The following CDH12 variants were observed in gnomAD, a reference collection of about 807,000 sequenced individuals.
CDH12 encodes cadherin 12.
Under a neutral mutation model 74.1 loss-of-function variants are expected in CDH12, and 41 were observed. The observed-to-expected ratio is 0.55, with a 90% CI of 0.43 to 0.72. CDH12 has a LOEUF of 0.72. Ranked by LOEUF, CDH12 falls within the 30% of genes least tolerant of loss-of-function variation. The pLI, the probability that CDH12 is intolerant of heterozygous loss-of-function variation, is 0.00. For missense variants in CDH12, 945 were observed against 977.2 expected (o/e 0.97, Z 0.44); for synonymous variants, 399 against 355.0 (o/e 1.12, Z -1.39).
intron 3 of CDH12, among the ~76,000 whole-genome samples, chr5:22,245,100 A>G (rs1428160314): frequency 6.6e-6 from 1 of 152,102 alleles, no homozygotes; most frequent in Non-Finnish European, 1.5e-5. Flanking sequence ...AGCAGGAGCA[A>G]TTTCTATGTA....
At chr5:22,687,319 G>GA (rs1741858473) in intron 1 of CDH12, among the ~76,000 whole-genome samples, 1 of 152,116 alleles carries the variant, frequency 6.6e-6, no homozygotes, top group Non-Finnish European at 1.5e-5. Context: ...ATAAAAAAAT[G>GA]AAAAATGATA....
At chr5:22,144,318 A>T (rs1053799922) in intron 4 of CDH12, among the ~76,000 whole-genome samples, 3 of 152,186 alleles carry the variant, frequency 2.0e-5, no homozygotes, top group African/African-American at 7.2e-5. Context: ...CCAGAAAATA[A>T]GCAGAATTGA....
intron 3 of CDH12, among the ~76,000 whole-genome samples, chr5:22,302,310 A>T (rs1324498456): frequency 6.6e-6 from 1 of 152,164 alleles, no homozygotes; most frequent in African/African-American, 2.4e-5. Context: ...CAAATATTCA[A>T]ATCAGAGACT....
At chr5:22,436,388 A>G (rs1261284712) in intron 2 of CDH12, among the ~76,000 whole-genome samples, 1 of 150,680 alleles carries the variant, frequency 6.6e-6, no homozygotes, top group East Asian at 2.0e-4. Flanking sequence ...ATGTATACAT[A>G]TGTAACAAAC....
chr5:22,295,563 A>G (rs1737585406), intron 3 of CDH12, among the ~76,000 whole-genome samples: 1 of 152,124 alleles, frequency 6.6e-6, no homozygotes. Flanking sequence ...ATGAACAAAT[A>G]TTTTTAGTAT....
At chr5:22,848,333 A>G (rs1737398570) in intron 1 of CDH12, among the ~76,000 whole-genome samples, 1 of 152,144 alleles carries the variant, frequency 6.6e-6, no homozygotes, top group Non-Finnish European at 1.5e-5. Context: ...AATTACTGAT[A>G]CTATTGCTGC....
rs552634536 is a variant in CDH12, at chr5:22,562,445, A to G, written c.-522-57081T>C. Among the ~76,000 whole-genome samples the G allele has an allele frequency of 3.9e-5, 6 of 152,316 alleles. No individual in the cohort carries two copies. In the South Asian group the frequency reaches 1.2e-3, roughly 32 times the overall value. ...CGTGGGCAATCGCCACTTTCTGTCTAAAAATCATTTGCCTTTGTCTCTCCT... is the reference window on the plus strand; with the variant it reads ...CGTGGGCAATCGCCACTTTCTGTCTGAAAATCATTTGCCTTTGTCTCTCCT... On this transcript the variant is annotated intron_variant, in intron 1 of 14. Coordinates refer to ENST00000382254, the MANE Select transcript of CDH12 (RefSeq NM_004061.5).
chr5:22,124,262 C>G (rs1745706319), intron 4 of CDH12, among the ~76,000 whole-genome samples: 3 of 152,034 alleles, frequency 2.0e-5, no homozygotes, highest in Admixed American at 1.3e-4. Flanking sequence ...TAGCTGGGAT[C>G]ACATGCGTGG....
chr5:22,429,174 C>T, intron 2 of CDH12, among the ~76,000 whole-genome samples: 1 of 149,818 alleles, frequency 6.7e-6, no homozygotes, highest in Non-Finnish European at 1.5e-5. Context: ...TTTTGTTGAC[C>T]AGGCTGGAGT....
chr5:22,702,959 T>A (rs1357937597), intron 1 of CDH12, among the ~76,000 whole-genome samples: 12 of 152,124 alleles, frequency 7.9e-5, no homozygotes. Context: ...CTCTCATTTC[T>A]CCTTCCCTGA....
chr5:21,839,657 T>C (rs1390982626), intron 8 of CDH12, among the ~76,000 whole-genome samples: 2 of 152,126 alleles, frequency 1.3e-5, no homozygotes, highest in African/African-American at 4.8e-5. Context: ...AAGGAATAAA[T>C]AAAATGTTCA....
At chr5:22,838,141 T>C (rs1736916093) in intron 1 of CDH12, among the ~76,000 whole-genome samples, 1 of 152,188 alleles carries the variant, frequency 6.6e-6, no homozygotes, top group East Asian at 1.9e-4. Flanking sequence ...ATTCAGCTCT[T>C]AACCCTGATG....
intron 1 of CDH12, among the ~76,000 whole-genome samples, chr5:22,716,085 G>A (rs1343800802): frequency 2.0e-5 from 3 of 151,950 alleles, no homozygotes; most frequent in Non-Finnish European, 2.9e-5. Flanking sequence ...TGCAGTGAGC[G>A]GAGATTGTGC....
In CDH12 at chr5:21,802,409, A is replaced by G; in HGVS notation, c.1014T>C (p.Phe338=). Residue 338 remains phenylalanine, a synonymous_variant, in exon 10 of 15, where the codon TTT becomes TTC. Coordinates refer to ENST00000382254, the MANE Select transcript of CDH12 (RefSeq NM_004061.5). The part of the protein sequence containing the change: ...GVIKLKKPLD[F]ETKKAYTFKV... ...TGAAAGTGTATGCCTTCTTTGTTTC[A>G]AAATCTAAAGGCTGTAGTGAGGACA... 6.2e-7 allele frequency: 1 copy of G among 1,613,552 alleles called. No homozygotes were observed. Among genetic ancestry groups the G allele is most frequent in the Non-Finnish European group, 8.5e-7 (1 of 1,179,562 alleles).
intron 2 of CDH12, among the ~76,000 whole-genome samples, chr5:22,491,728 G>A (rs1397166575): frequency 5.3e-5 from 8 of 152,096 alleles, no homozygotes; most frequent in Admixed American, 5.2e-4. Flanking sequence ...CACTGGCTGT[G>A]GGCTGTGGGT....
intron 14 of CDH12, among the ~76,000 whole-genome samples, chr5:21,752,783 G>A (rs1173614219): frequency 6.6e-6 from 1 of 151,688 alleles, no homozygotes. Flanking sequence ...GGAAGTAGAG[G>A]AAGAAAGGAA....
intron 1 of CDH12, among the ~76,000 whole-genome samples, chr5:22,824,472 A>G (rs1398184989): frequency 6.6e-6 from 1 of 152,170 alleles, no homozygotes; most frequent in East Asian, 1.9e-4. Context: ...TGTAAATAAC[A>G]TATAAATAAA....
intron 4 of CDH12, among the ~76,000 whole-genome samples, chr5:22,123,663 A>G (rs933998756): frequency 6.6e-6 from 1 of 152,210 alleles, no homozygotes; most frequent in African/African-American, 2.4e-5. Flanking sequence ...TAAAACTTTG[A>G]AAAGAAAAAT....
chr5:22,007,446 T>C (rs1214211575), intron 5 of CDH12, among the ~76,000 whole-genome samples: 2 of 139,338 alleles, frequency 1.4e-5, no homozygotes, highest in Non-Finnish European at 3.1e-5. Flanking sequence ...CATAAAGATA[T>C]ACAACTTTTT....
Sources: gnomAD v4.1 joint callset for allele counts (sites outside exome capture counted in the v4.1 genomes callset) on GRCh38, gnomAD v4.1.1 for gene constraint, MANE v1.5 for transcripts, NCBI Gene and HGNC (gene_info 2026-07-23, HGNC 2026-07-21) for gene names.